The following ZBTB7C variants were observed in gnomAD, a reference collection of about 807,000 sequenced individuals.
The protein encoded by ZBTB7C is zinc finger and BTB domain-containing protein 7C.
ZBTB7C carries 8 observed loss-of-function variants against 25.7 expected under a neutral mutation model. That is an observed-to-expected ratio of 0.31 (90% CI 0.18 to 0.56). ZBTB7C has a LOEUF of 0.56. Among genes scored for constraint, ZBTB7C ranks in the 20% least tolerant of loss-of-function variants. The pLI, the probability that ZBTB7C is intolerant of heterozygous loss-of-function variation, is 0.91. For synonymous variants in ZBTB7C, 394 were observed against 369.0 expected (o/e 1.07, Z -0.78); for missense variants, 824 against 855.2 (o/e 0.96, Z 0.46).
At chr18:48,257,383 C>T (rs1037539542) in intron 2 of ZBTB7C, among the ~76,000 whole-genome samples, 1 of 152,040 alleles carries the variant, frequency 6.6e-6, no homozygotes, top group Admixed American at 6.5e-5. Flanking sequence ...CCCTTTAAAG[C>T]CATATATCTA....
intron 3 of ZBTB7C, among the ~76,000 whole-genome samples, chr18:48,090,847 C>A (rs1336686229): frequency 6.6e-6 from 1 of 152,172 alleles, no homozygotes; most frequent in African/African-American, 2.4e-5. Context: ...TGACTCCAGC[C>A]CACAGTGCTC....
chr18:48,132,804 A>G (rs551342905), intron 3 of ZBTB7C, among the ~76,000 whole-genome samples: 26 of 152,280 alleles, frequency 1.7e-4, no homozygotes, highest in Non-Finnish European at 3.2e-4. Context: ...GTCTCCAGAA[A>G]CAATTTAACA....
At chr18:48,219,930 G>C (rs924251334) in intron 2 of ZBTB7C, among the ~76,000 whole-genome samples, 3 of 152,180 alleles carry the variant, frequency 2.0e-5, no homozygotes, top group Non-Finnish European at 4.4e-5. Context: ...AGTGGATAAA[G>C]AGGAGGCCCC....
chr18:48,113,883 G>A (rs72920058), intron 3 of ZBTB7C, among the ~76,000 whole-genome samples: 18,849 of 152,218 alleles, frequency 0.12, 1,422 homozygotes, highest in Middle Eastern at 0.2. Context: ...TGAAAACACC[G>A]CTGCACCAGG....
chr18:48,386,521 C>T (rs112134926), intron 1 of ZBTB7C, among the ~76,000 whole-genome samples: 5 of 152,254 alleles, frequency 3.3e-5, no homozygotes, highest in African/African-American at 7.2e-5. Context: ...TTACCCACAG[C>T]GACCATATTT....
At chr18:48,069,948 C>A (rs1207827017) in intron 3 of ZBTB7C, among the ~76,000 whole-genome samples, 1 of 152,114 alleles carries the variant, frequency 6.6e-6, no homozygotes, top group Non-Finnish European at 1.5e-5. Flanking sequence ...TCTTTATGTA[C>A]ATGCTGTCCA....
intron 3 of ZBTB7C, among the ~76,000 whole-genome samples, chr18:48,176,395 C>T (rs545707748): frequency 2.6e-5 from 4 of 152,290 alleles, no homozygotes; most frequent in African/African-American, 9.6e-5. Flanking sequence ...CAATATCCAA[C>T]CCTAGATGAG....
intron 2 of ZBTB7C, among the ~76,000 whole-genome samples, chr18:48,314,133 G>T (rs1170002865): frequency 6.6e-6 from 1 of 152,146 alleles, no homozygotes; most frequent in Non-Finnish European, 1.5e-5. Context: ...TCGTAGCAAC[G>T]CAAGAACGAA....
intron 1 of ZBTB7C, among the ~76,000 whole-genome samples, chr18:48,408,891 G>A (rs2048343162): frequency 6.6e-6 from 1 of 151,348 alleles, no homozygotes; most frequent in African/African-American, 2.4e-5. Flanking sequence ...CCCGCTCGCT[G>A]GCTCGCTCTC....
At chr18:48,201,929 T>C (rs1306065154) in intron 2 of ZBTB7C, among the ~76,000 whole-genome samples, 1 of 152,214 alleles carries the variant, frequency 6.6e-6, no homozygotes, top group Non-Finnish European at 1.5e-5. Flanking sequence ...TCCACTACCC[T>C]TTGTGGCTGC....
intron 1 of ZBTB7C, among the ~76,000 whole-genome samples, chr18:48,390,973 G>A (rs1397225440): frequency 6.6e-6 from 1 of 152,202 alleles, no homozygotes; most frequent in Non-Finnish European, 1.5e-5. Context: ...ACTGCCATGG[G>A]TGAGAAAGCC....
At chr18:48,084,944 T>C (rs941396300) in intron 3 of ZBTB7C, among the ~76,000 whole-genome samples, 13 of 152,322 alleles carry the variant, frequency 8.5e-5, no homozygotes, top group African/African-American at 2.6e-4. Context: ...CGCTGACTGA[T>C]GCCCATCATT....
chr18:48,367,373 A>ATATATATATATATAT lies in ZBTB7C; in HGVS notation c.-303-28976_-303-28975insATATATATATATATA, dbSNP rs757386700. ...ATATATATATATATATATATATATA[A>ATATATATATATATAT]AATACAAACAGAAGACTCTAAAAGG... On this transcript the variant is annotated intron_variant, in intron 1 of 4. Transcript: ENST00000590800. Among the ~76,000 whole-genome samples, 212 of 96,366 alleles carry ATATATATATATATAT rather than the reference A, an allele frequency of 2.2e-3. 4 individuals are homozygous for ATATATATATATATAT. The highest frequency in any genetic ancestry group is 7.3e-3 in the African/African-American group (173 of 23,546). The allele number at this position is 96,366 out of a possible 152,430, so 63.2% of individuals were successfully genotyped here. A position where few individuals can be genotyped will look rare whatever the true frequency, so the allele number is the denominator to read the frequency against.
intron 1 of ZBTB7C, among the ~76,000 whole-genome samples, chr18:48,398,266 G>A (rs1158607298): frequency 6.6e-6 from 1 of 152,226 alleles, no homozygotes; most frequent in African/African-American, 2.4e-5. Context: ...TGTCCACAGG[G>A]CTGCTCGGCC....
chr18:48,142,258 C>T (rs1001835543), intron 3 of ZBTB7C, among the ~76,000 whole-genome samples: 1 of 152,234 alleles, frequency 6.6e-6, no homozygotes, highest in African/African-American at 2.4e-5. Flanking sequence ...CCCTGTCCTG[C>T]AGGGGCTGGA....
chr18:48,153,316 G>C (rs1279499886), intron 3 of ZBTB7C, among the ~76,000 whole-genome samples: 1 of 152,220 alleles, frequency 6.6e-6, no homozygotes, highest in African/African-American at 2.4e-5. Flanking sequence ...CCATTTTACA[G>C]ATGGGGTACT....
At chr18:48,356,364 G>A (rs905904633) in intron 1 of ZBTB7C, among the ~76,000 whole-genome samples, 3 of 152,154 alleles carry the variant, frequency 2.0e-5, no homozygotes, top group Non-Finnish European at 2.9e-5. Flanking sequence ...GGGCTCTCCT[G>A]TTCAACAAGC....
chr18:48,190,441 A>G (rs1019496968), intron 2 of ZBTB7C, among the ~76,000 whole-genome samples: 1 of 152,150 alleles, frequency 6.6e-6, no homozygotes, highest in African/African-American at 2.4e-5. Context: ...TCCGTGCAGG[A>G]GGGTTGTAGA....
intron 3 of ZBTB7C, among the ~76,000 whole-genome samples, chr18:48,160,935 GTTT>G (rs59824886): frequency 4.4e-5 from 6 of 136,896 alleles, no homozygotes; most frequent in African/African-American, 1.7e-4. Context: ...TTTGAGACAA[GTTT>G]TTTTTTTTTT....
Sources: allele counts gnomAD v4.1 joint callset (sites outside exome capture counted in the v4.1 genomes callset), GRCh38; gene constraint gnomAD v4.1.1; transcripts MANE v1.5; gene names NCBI Gene and HGNC (gene_info 2026-07-23, HGNC 2026-07-21).